Variants in ARHGAP45 observed in about 807,000 individuals in gnomAD.
ARHGAP45 encodes the protein Rho GTPase activating protein 45, also known as rho GTPase-activating protein 45.
ARHGAP45 carries 56 observed loss-of-function variants against 116.1 expected under a neutral mutation model. The observed-to-expected ratio is 0.48, with a 90% CI of 0.39 to 0.60. ARHGAP45 has a LOEUF of 0.60. Ranked by LOEUF, ARHGAP45 falls within the 20% of genes least tolerant of loss-of-function variation. The pLI is 0.00. For synonymous variants in ARHGAP45, 866 were observed against 701.7 expected (o/e 1.23, Z -3.70); for missense variants, 1,622 against 1,601.0 (o/e 1.01, Z -0.22).
intron 16 of ARHGAP45, 39 bp downstream of exon 16, chr19:1,080,825 T>A: frequency 6.2e-7 from 1 of 1,610,766 alleles, no homozygotes; most frequent in South Asian, 1.1e-5. Flanking sequence ...AGAGGGGGGT[T>A]TGGACACAGT....
In ARHGAP45 at chr19:1,073,743, C is replaced by T; in HGVS notation, c.720C>T (p.Ser240=). 1 of 1,588,666 alleles carries T rather than the reference C, an allele frequency of 6.3e-7. No individual in the cohort carries two copies. Among genetic ancestry groups the T allele is most frequent in the Non-Finnish European group, 8.6e-7 (1 of 1,167,206 alleles). ...TLLAVPPGDS[S]QSMESLYGPG... Reference sequence around the variant, plus strand: ...TAGCAGTGCCTCCTGGGGACTCGAGCCAGGTGAGTGGGGTGGGCCAGGGCC... The same window carrying T: ...TAGCAGTGCCTCCTGGGGACTCGAGTCAGGTGAGTGGGGTGGGCCAGGGCC... Residue 240 remains serine (S), a synonymous_variant, in exon 5 of 23, where the codon AGC becomes AGT. Coordinates refer to ENST00000313093, the MANE Select transcript of ARHGAP45 (RefSeq NM_012292.5).
At chr19:1,081,147 G>C (rs1367946300) in intron 17 of ARHGAP45, 83 bp downstream of exon 17, 2 of 1,440,002 alleles carry the variant, frequency 1.4e-6, no homozygotes, top group African/African-American at 2.8e-5. Context: ...GTGCCCTCAG[G>C]AATGTCCGGC....
intron 22 of ARHGAP45, 152 bp downstream of exon 22, chr19:1,084,498 C>A: frequency 1.6e-6 from 1 of 613,754 alleles, no homozygotes; most frequent in Non-Finnish European, 2.8e-6. Flanking sequence ...CACCTATGAG[C>A]TACTCATTCA....
intron 10 of ARHGAP45, among the ~76,000 whole-genome samples, chr19:1,075,236 CTTT>C (rs551827897): frequency 3.1e-5 from 4 of 131,014 alleles, no homozygotes; most frequent in African/African-American, 2.9e-5. Flanking sequence ...TGCATGTATT[CTTT>C]TTTTTTTTTT....
rs867746212 is a variant in ARHGAP45 at position 1,069,647 on chromosome 19, G to A, written c.421+903G>A. Among the ~76,000 whole-genome samples the A allele has an allele frequency of 1.3e-5, 2 of 152,134 alleles. No individual in the cohort carries two copies. The highest frequency in any genetic ancestry group is 2.9e-5 in the Non-Finnish European group (2 of 68,004). Reference sequence around the variant, plus strand: ...GCCCGGTCCCCACTGGGAGGAGTGGGAGCCCCCGGGTTATCTGGTCCCAGG... The same window carrying A: ...GCCCGGTCCCCACTGGGAGGAGTGGAAGCCCCCGGGTTATCTGGTCCCAGG... On this transcript the variant is annotated intron_variant, in intron 2 of 22. Coordinates refer to ENST00000313093, the MANE Select transcript of ARHGAP45 (RefSeq NM_012292.5). The surrounding 1 kb of genome is among the most constrained non-coding windows in gnomAD (Gnocchi z 4.1).
chr19:1,084,178 A>C, intron 21 of ARHGAP45, 60 bp from the exon 22 acceptor site: 1 of 1,501,370 alleles, frequency 6.7e-7, no homozygotes, highest in Non-Finnish European at 9.3e-7. Flanking sequence ...TGGGTTTGTT[A>C]ATTTATAACA....
Position 1,068,332 on chromosome 19 carries a change from G to A in ARHGAP45, c.91-82G>A. 4 of 1,282,936 alleles carry A rather than the reference G, an allele frequency of 3.1e-6. No homozygotes were observed. The highest frequency in any genetic ancestry group is 4.2e-6 in the Non-Finnish European group (4 of 949,560). 79.5% of individuals were successfully genotyped at this position (1,282,936 alleles called of 1,614,324 possible). A position where few individuals can be genotyped will look rare whatever the true frequency, so the allele number is the denominator to read the frequency against. ...GTCAGGGTGATGGTGGCCCTCCACA[G>A]CCCCACTTCATTTCTGGGGAAACTG... On this transcript the variant is annotated intron_variant, in intron 1 of 22. Transcript: ENST00000313093. The surrounding 1 kb of genome is among the most constrained non-coding windows in gnomAD (Gnocchi z 7.5).
At position 1,086,364 on chromosome 19, in the gene ARHGAP45, G is replaced by GGCCCT. The variant is rs879554095; in HGVS notation, c.*369_*373dup. ...GGTCATCACGGGGACGCAGGAGGCA[G>GGCCCT]GCCCTGCCCTGCCCTCTCCTCACAG... On this transcript the variant is annotated 3_prime_UTR_variant, in exon 23 of 23. Coordinates refer to ENST00000313093, the MANE Select transcript of ARHGAP45 (RefSeq NM_012292.5). 62 of 249,924 alleles carry GGCCCT rather than the reference G, an allele frequency of 2.5e-4. No individual in the cohort carries two copies. The highest frequency in any genetic ancestry group is 3.7e-4 in the Non-Finnish European group (47 of 126,194). The allele number at this position is 249,924 out of a possible 1,614,324, so 15.5% of individuals were successfully genotyped here. A position where few individuals can be genotyped will look rare whatever the true frequency, so the allele number is the denominator to read the frequency against.
chr19:1,066,365 T>C (rs985485753), upstream of ARHGAP45: 5 of 587,598 alleles, frequency 8.5e-6, no homozygotes, highest in Admixed American at 6.1e-5. Context: ...CAGGCTGTTA[T>C]CAGCAACGGG....
upstream of ARHGAP45, chr19:1,067,161 G>A (rs1331389280): frequency 1.6e-5 from 19 of 1,220,594 alleles, no homozygotes; most frequent in African/African-American, 1.3e-4. Context: ...CCTCACCTTC[G>A]CGCCCACTCC....
At chr19:1,075,172 C>T (rs1275561632) in intron 10 of ARHGAP45, among the ~76,000 whole-genome samples, 1 of 151,918 alleles carries the variant, frequency 6.6e-6, no homozygotes, top group East Asian at 1.9e-4. Context: ...AGCAGCTGGT[C>T]TCCGGGTTGA....
Position 1,085,899 on chromosome 19 carries a change from A to G in ARHGAP45, c.3304A>G (p.Thr1102Ala), listed in dbSNP as rs1297837282. ...GPAQQLSGFN[T>A]NQSNNVLQAP... ...GGCCCAGCAGCTCTCAGGATTCAAC[A>G]CCAACCAGTCCAACAACGTGCTGCA... Residue 1102 changes from threonine (T) to alanine (A), a missense_variant, in exon 23 of 23, where the codon ACC (threonine) becomes GCC (alanine). Physicochemically the swap from Thr to Ala is moderately conservative, Grantham distance 58. Coordinates refer to ENST00000313093, the MANE Select transcript of ARHGAP45 (RefSeq NM_012292.5). The G allele has an allele frequency of 1.9e-6, 3 of 1,612,800 alleles. No individual in the cohort carries two copies. The highest frequency in any genetic ancestry group is 1.1e-5 in the South Asian group (1 of 91,078).
chr19:1,073,739 C>G lies in ARHGAP45; in HGVS notation c.716C>G (p.Ser239Trp). 6.3e-7 allele frequency: 1 copy of G among 1,590,628 alleles called. No individual in the cohort carries two copies. The highest frequency in any genetic ancestry group is 8.6e-7 in the Non-Finnish European group (1 of 1,168,320). ...CTCCTAGCAGTGCCTCCTGGGGACT[C>G]GAGCCAGGTGAGTGGGGTGGGCCAG... ...STLLAVPPGDSSQSMESLYGP... is the reference protein window; with the variant it reads ...STLLAVPPGDWSQSMESLYGP... Residue 239 changes from serine to tryptophan, a missense_variant, in exon 5 of 23, where the codon TCG becomes TGG. Ser to Trp is a radical substitution (Grantham distance 177, BLOSUM62 -3). Coordinates refer to ENST00000313093, the MANE Select transcript of ARHGAP45 (RefSeq NM_012292.5).
chr19:1,082,761 C>G, intron 19 of ARHGAP45, 79 bp from the exon 20 acceptor site: 1 of 1,254,590 alleles, frequency 8.0e-7, no homozygotes, highest in Non-Finnish European at 1.1e-6. Context: ...GGGGGTGGGG[C>G]TGAGGCTGGG....
upstream of ARHGAP45, chr19:1,066,254 G>A (rs2043028767): frequency 5.0e-6 from 5 of 1,000,678 alleles, no homozygotes; most frequent in Admixed American, 7.5e-5. Context: ...GAGACTTGGG[G>A]AGGGGGGAGA....
At position 1,081,857 on chromosome 19, in the gene ARHGAP45, G is replaced by A. The variant is rs1231043239; in HGVS notation, c.2413G>A (p.Val805Met). Residue 805 changes from valine (V) to methionine (M), a missense_variant, in exon 19 of 23, where the codon GTG (valine) becomes ATG (methionine). By Grantham distance (21) the Val-to-Met change is conservative. Around this residue, in one of 3 missense-constraint regions of ARHGAP45, gnomAD observed 1,334 missense variants for 1,263.8 expected, o/e 1.06. Coordinates refer to ENST00000313093, the MANE Select transcript of ARHGAP45 (RefSeq NM_012292.5). ...CCGGGTCAATGGGGTAAAGACACGC[G>A]TGGAGAAGCTGTGCCAGGCCTTCGA... is the stretch of plus-strand genomic sequence containing the variant. ...IYRVNGVKTRVEKLCQAFENG... is the reference protein window; with the variant it reads ...IYRVNGVKTRMEKLCQAFENG... 6.2e-7 allele frequency: 1 copy of A among 1,612,646 alleles called. No homozygotes were observed. The highest frequency in any genetic ancestry group is 1.1e-5 in the South Asian group (1 of 90,966).
chr19:1,079,708 G>A lies in ARHGAP45; in HGVS notation c.1380G>A (p.Glu460=), dbSNP rs767329884. The part of the protein sequence containing the change: ...RLEEEAKNKA[E]EAMATYRTCV... ...GCGCCCCGCCCCCACCGCAGGCGGA[G>A]GAAGCTATGGCCACCTACCGCACCT... is the stretch of plus-strand genomic sequence containing the variant. The change falls in exon 12 of 23, where the codon GAG becomes GAA. Residue 460 remains glutamate (E), a synonymous_variant. Transcript: ENST00000313093. 2.5e-6 allele frequency: 4 copies of A among 1,612,442 alleles called. No individual in the cohort carries two copies. The Admixed American group carries it at 5.0e-5, about 20-fold the overall frequency.
At chr19:1,066,441 G>A (rs1345040636), upstream of ARHGAP45, 3 of 502,478 alleles carry the variant, frequency 6.0e-6, no homozygotes, top group African/African-American at 5.8e-5. Context: ...TTGGGAGGCG[G>A]GGCTGGGGAC....
At chr19:1,082,073 C>A in intron 19 of ARHGAP45, 112 bp downstream of exon 19, 2 of 821,246 alleles carry the variant, frequency 2.4e-6, no homozygotes, top group Non-Finnish European at 3.4e-6. Flanking sequence ...GCAGGACTGG[C>A]GCAAGCGGGG....
Sources: gnomAD v4.1 joint callset for allele counts (sites outside exome capture counted in the v4.1 genomes callset) on GRCh38, gnomAD v4.1.1 for gene constraint, gnomAD v4.1.1 regional missense constraint, Gnocchi (gnomAD v3.1) non-coding constraint, MANE v1.5 for transcripts, NCBI Gene and HGNC (gene_info 2026-07-23, HGNC 2026-07-21) for gene names.